RBP7: variants seen among roughly 807,000 people sequenced by gnomAD.
RBP7 encodes retinol binding protein 7.
In RBP7, 13 loss-of-function variants were observed where a neutral mutation model predicts 16.7. That is an observed-to-expected ratio of 0.78 (90% CI 0.51 to 1.24). The LOEUF (loss-of-function observed/expected upper bound fraction) is 1.24, where lower values mean the gene tolerates loss of function less well. Among genes scored for constraint, RBP7 ranks in the 50% most tolerant of loss-of-function variants. RBP7 has a pLI of 0.00. For synonymous variants in RBP7, 54 were observed against 56.2 expected, an observed-to-expected ratio of 0.96 and a Z score of 0.17; for missense variants, 145 against 159.5, an observed-to-expected ratio of 0.91 and a Z score of 0.49.
intron 3 of RBP7, among the ~76,000 whole-genome samples, chr1:10,011,041 T>C (rs1642602108): frequency 6.6e-6 from 1 of 152,180 alleles, no homozygotes; most frequent in Non-Finnish European, 1.5e-5. Context: ...AACAAAGAAA[T>C]TTCGCAGGAT....
At position 9,997,953 on chromosome 1, in the gene RBP7, A is replaced by AC. The variant is rs1275845556; in HGVS notation, c.73+624dup. Among the ~76,000 whole-genome samples the AC allele has an allele frequency of 2.0e-5, 3 of 151,892 alleles. No individual in the cohort carries two copies. The highest frequency in any genetic ancestry group is 7.3e-5 in the African/African-American group (3 of 41,362). ...CTGGTTCGGCCCGGGGCGTGCCCCGACCGCCGCCTCCCACGAGGGCTGGGT... is the reference window on the plus strand; with the variant it reads ...CTGGTTCGGCCCGGGGCGTGCCCCGACCCGCCGCCTCCCACGAGGGCTGGGT... On this transcript the variant is annotated intron_variant, in intron 1 of 3. Coordinates refer to ENST00000294435, the MANE Select transcript of RBP7 (RefSeq NM_052960.3). The surrounding 1 kb of genome is among the most constrained non-coding windows in gnomAD (Gnocchi z 5.9).
chr1:9,999,071 T>A (rs1392928666), intron 1 of RBP7, among the ~76,000 whole-genome samples: 1 of 152,146 alleles, frequency 6.6e-6, no homozygotes. Flanking sequence ...TTCCCCACAC[T>A]GTTCTGGTGG....
intron 1 of RBP7, chr1:10,007,188 C>T (rs1642472497): frequency 6.8e-6 from 2 of 294,756 alleles, no homozygotes; most frequent in South Asian, 5.4e-5. Flanking sequence ...TCAGGTGATC[C>T]GCCCTCCTCA....
chr1:10,001,090 AG>A (rs1454768491), intron 1 of RBP7, among the ~76,000 whole-genome samples: 3 of 152,150 alleles, frequency 2.0e-5, no homozygotes, highest in Admixed American at 2.0e-4. Context: ...AGTGATGCTA[AG>A]GGTCAAATAA....
intron 3 of RBP7, among the ~76,000 whole-genome samples, chr1:10,010,863 T>C (rs952150928): frequency 2.6e-5 from 4 of 151,732 alleles, no homozygotes; most frequent in Admixed American, 6.6e-5. Context: ...GGATTATAGG[T>C]GTAAGCCAGC....
intron 1 of RBP7, among the ~76,000 whole-genome samples, chr1:10,002,653 C>T (rs1241851009): frequency 6.6e-6 from 1 of 152,028 alleles, no homozygotes; most frequent in Non-Finnish European, 1.5e-5. Flanking sequence ...GTGCACACCA[C>T]CATGCCCAGC....
At chr1:10,002,318 G>C (rs531184012) in intron 1 of RBP7, among the ~76,000 whole-genome samples, 2 of 151,950 alleles carry the variant, frequency 1.3e-5, no homozygotes, top group South Asian at 2.1e-4. Context: ...GCATCAGGCT[G>C]TTCCCTCCTA....
At chr1:9,998,153 C>T (rs1297109520) in intron 1 of RBP7, among the ~76,000 whole-genome samples, 2 of 152,168 alleles carry the variant, frequency 1.3e-5, no homozygotes, top group African/African-American at 2.4e-5. Flanking sequence ...CCACCACGTC[C>T]GGCTAATTTT....
intron 3 of RBP7, among the ~76,000 whole-genome samples, chr1:10,013,326 G>C (rs1642680065): frequency 6.6e-6 from 1 of 152,018 alleles, no homozygotes; most frequent in Non-Finnish European, 1.5e-5. Context: ...ACCCCCCTCA[G>C]CCTCCCAAAG....
chr1:10,015,898 C>T lies in RBP7; in HGVS notation c.*66C>T. 6.8e-7 allele frequency: 1 copy of T among 1,469,038 alleles called. No individual in the cohort carries two copies. The highest frequency in any genetic ancestry group is 9.5e-7 in the Non-Finnish European group (1 of 1,049,696). 91.0% of individuals were successfully genotyped at this position (1,469,038 alleles called of 1,614,324 possible). ...ATGCCAAATTATATTGCAGACTGAA[C>T]AGACGTTTATCTATCCCATTTGGCG... On this transcript the variant is annotated 3_prime_UTR_variant, in exon 4 of 4. Transcript: ENST00000294435.
At chr1:10,003,133 A>G (rs1372024106) in intron 1 of RBP7, among the ~76,000 whole-genome samples, 1 of 152,220 alleles carries the variant, frequency 6.6e-6, no homozygotes, top group Non-Finnish European at 1.5e-5. Context: ...ATGTCTGCAT[A>G]AACCACCCGT....
chr1:10,015,803 G>A lies in RBP7; in HGVS notation c.376G>A (p.Val126Met). The change falls in exon 4 of 4, where the codon GTG (valine) becomes ATG (methionine). Residue 126 changes from valine to methionine, a missense_variant. By Grantham distance (21) the Val-to-Met change is conservative. Coordinates refer to ENST00000294435, the MANE Select transcript of RBP7 (RefSeq NM_052960.3). ...LHLEMFCEGQ[V>M]CKQTFQRA ...CTAGGAAATGTTCTGTGAAGGTCAA[G>A]TGTGCAAACAGACATTCCAGAGAGC... 1 of 1,614,154 alleles carries A rather than the reference G, an allele frequency of 6.2e-7. No individual in the cohort carries two copies. The highest frequency in any genetic ancestry group is 2.2e-5 in the East Asian group (1 of 44,888).
chr1:10,005,662 C>T (rs1313175184), intron 1 of RBP7, among the ~76,000 whole-genome samples: 3 of 151,588 alleles, frequency 2.0e-5, no homozygotes, highest in Non-Finnish European at 4.4e-5. Context: ...CTCCTGGGTT[C>T]AAGCAATTCT....
intron 3 of RBP7, among the ~76,000 whole-genome samples, 170 bp from the exon 4 acceptor site, chr1:10,015,612 C>T (rs763435384): frequency 3.3e-5 from 5 of 150,812 alleles, no homozygotes; most frequent in African/African-American, 4.9e-5. Flanking sequence ...TACAGTGAGC[C>T]GAGATCTCAC....
At chr1:10,003,396 C>G (rs1011343642) in intron 1 of RBP7, among the ~76,000 whole-genome samples, 2 of 152,116 alleles carry the variant, frequency 1.3e-5, no homozygotes, top group African/African-American at 4.8e-5. Context: ...CCATTGCACT[C>G]CAGCCTGGGT....
At chr1:10,013,693 C>G (rs1051612669) in intron 3 of RBP7, among the ~76,000 whole-genome samples, 5 of 151,920 alleles carry the variant, frequency 3.3e-5, no homozygotes, top group Non-Finnish European at 7.4e-5. Context: ...ACCTGTAGTC[C>G]CAGCTACTCA....
At chr1:10,013,200 G>A (rs1217520719) in intron 3 of RBP7, among the ~76,000 whole-genome samples, 1 of 150,922 alleles carries the variant, frequency 6.6e-6, no homozygotes, top group Non-Finnish European at 1.5e-5. Context: ...AGCCTCCCAA[G>A]TAGCTGGGAT....
rs767144858 is a variant in RBP7 at position 9,997,370 on chromosome 1, C to G, written c.73+39C>G. 5 of 1,595,846 alleles carry G rather than the reference C, an allele frequency of 3.1e-6. No homozygotes were observed. The highest frequency in any genetic ancestry group is 1.4e-5 in the African/African-American group (1 of 73,784). ...GAGGCGGCGGCGGCGCGAGGCTCGCCGTGGGTCTCGGGATCAGGCGAAGGC... is the reference window on the plus strand; with the variant it reads ...GAGGCGGCGGCGGCGCGAGGCTCGCGGTGGGTCTCGGGATCAGGCGAAGGC... On this transcript the variant is annotated intron_variant, in intron 1 of 3. Coordinates refer to ENST00000294435, the MANE Select transcript of RBP7 (RefSeq NM_052960.3). The surrounding 1 kb of genome is among the most constrained non-coding windows in gnomAD (Gnocchi z 5.9).
At chr1:9,998,162 T>A (rs914683665) in intron 1 of RBP7, among the ~76,000 whole-genome samples, 12 of 152,152 alleles carry the variant, frequency 7.9e-5, no homozygotes, top group Non-Finnish European at 1.8e-4. Context: ...CCGGCTAATT[T>A]TGTACTTTTA....
Sources: allele counts gnomAD v4.1 joint callset (sites outside exome capture counted in the v4.1 genomes callset), GRCh38; gene constraint gnomAD v4.1.1; non-coding constraint Gnocchi (gnomAD v3.1); transcripts MANE v1.5; gene names NCBI Gene and HGNC (gene_info 2026-07-23, HGNC 2026-07-21).